Variants in CTNNA2 observed in about 807,000 individuals in gnomAD.
CTNNA2 encodes catenin alpha 2.
CTNNA2 carries 42 observed loss-of-function variants against 101.0 expected under a neutral mutation model. That is an observed-to-expected ratio of 0.42 (90% CI 0.32 to 0.54). The LOEUF is 0.54. Ranked by LOEUF, CTNNA2 falls within the 20% of genes least tolerant of loss-of-function variation. The probability of loss-of-function intolerance (pLI) is 0.14; values close to 1 mark genes in which losing one functional copy is unlikely to be tolerated. For synonymous variants in CTNNA2, 450 were observed against 456.4 expected (o/e 0.99, Z 0.18); for missense variants, 871 against 1,223.1 (o/e 0.71, Z 4.29).
At position 80,089,433 on chromosome 2, in the gene CTNNA2, C is replaced by T. The variant is rs75072024; in HGVS notation, c.1056+179636C>T. On this transcript the variant is annotated intron_variant, in intron 7 of 18. Coordinates refer to ENST00000402739, the MANE Select transcript of CTNNA2 (RefSeq NM_001282597.3). ...TTTAGTGCCCTCCCCTTACAACCTG[C>T]GCTCCCTTTTGCATTTTGGGGGTTC... is the stretch of plus-strand genomic sequence containing the variant. Among the ~76,000 whole-genome samples, 1,000 of 152,000 alleles carry T rather than the reference C, an allele frequency of 6.6e-3. 7 individuals are homozygous for T. Among genetic ancestry groups the T allele is most frequent in the Non-Finnish European group, 9.2e-3 (624 of 67,934 alleles).
intron 9 of CTNNA2, among the ~76,000 whole-genome samples, chr2:80,541,175 T>C (rs527376847): frequency 6.6e-6 from 1 of 152,226 alleles, no homozygotes; most frequent in Non-Finnish European, 1.5e-5. Context: ...ATAGAGCCCA[T>C]GACCAACTTA....
chr2:79,556,616 A>T (rs186624591), intron 1 of CTNNA2, among the ~76,000 whole-genome samples: 36 of 152,194 alleles, frequency 2.4e-4, no homozygotes, highest in African/African-American at 7.9e-4. Flanking sequence ...TCTGAAATGC[A>T]GCCCATACCA....
At chr2:80,306,839 T>C (rs1398797870) in intron 7 of CTNNA2, among the ~76,000 whole-genome samples, 1 of 151,222 alleles carries the variant, frequency 6.6e-6, no homozygotes, top group East Asian at 1.9e-4. Context: ...GGCAAAGTGG[T>C]GACAGAGGCT....
rs1053532009 is a variant in CTNNA2, at chr2:79,368,930, C to T, written c.-317-4901C>T. Among the ~76,000 whole-genome samples the T allele has an allele frequency of 2.6e-5, 4 of 152,268 alleles. No individual in the cohort carries two copies. The East Asian group carries it at 7.7e-4, about 29-fold the overall frequency. On this transcript the variant is annotated intron_variant, in intron 3 of 21. Transcript: ENST00000466387. ...GTTGTCGTTGTTATTGTTGTTTTCC[C>T]TAAAAGGCCTGGATGATGCTGCCGC...
intron 7 of CTNNA2, among the ~76,000 whole-genome samples, chr2:80,324,838 T>C (rs1679087376): frequency 6.6e-6 from 1 of 152,136 alleles, no homozygotes; most frequent in Non-Finnish European, 1.5e-5. Flanking sequence ...CTTCCTCCCA[T>C]CTTTGCATAG....
At chr2:80,282,205 A>G (rs1467210310) in intron 7 of CTNNA2, among the ~76,000 whole-genome samples, 1 of 152,102 alleles carries the variant, frequency 6.6e-6, no homozygotes, top group African/African-American at 2.4e-5. Context: ...TATGAACCAC[A>G]TCTACATGAG....
chr2:80,283,554 C>A (rs553372553), intron 7 of CTNNA2, among the ~76,000 whole-genome samples: 1 of 152,174 alleles, frequency 6.6e-6, no homozygotes, highest in East Asian at 1.9e-4. Flanking sequence ...GAGATAGAAC[C>A]TGAATGTGTT....
intron 11 of CTNNA2, among the ~76,000 whole-genome samples, chr2:80,551,909 T>G (rs1413852662): frequency 6.6e-6 from 1 of 152,208 alleles, no homozygotes; most frequent in African/African-American, 2.4e-5. Flanking sequence ...GCTTAATCAT[T>G]TCTAGCTTTT....
intron 15 of CTNNA2, among the ~76,000 whole-genome samples, chr2:80,591,480 C>CTTTTTTTTTTTTTTTTTTTTAA: frequency 3.0e-5 from 1 of 33,542 alleles, no homozygotes; most frequent in Admixed American, 3.5e-4. Context: ...TTTTTTTTTG[C>CTTTTTTTTTTTTTTTTTTTTAA]AAACAGACAG....
chr2:80,627,968 AAGAG>A lies in CTNNA2; in HGVS notation c.2574+8742_2574+8745del, dbSNP rs542949860. Among the ~76,000 whole-genome samples the A allele has an allele frequency of 5.4e-3, 824 of 152,268 alleles. 6 individuals are homozygous for A. The highest frequency in any genetic ancestry group is 0.018 in the African/African-American group (758 of 41,552). The stretch of plus-strand genomic sequence containing the variant: ...ATTGCAAGCATTCCTATTTACCAAT[AAGAG>A]ACAAACAGAGAGCCAAGTCATGAGT... On this transcript the variant is annotated intron_variant, in intron 18 of 18. Coordinates refer to ENST00000402739, the MANE Select transcript of CTNNA2 (RefSeq NM_001282597.3).
intron 9 of CTNNA2, among the ~76,000 whole-genome samples, chr2:80,525,643 AG>A (rs751939530): frequency 6.6e-6 from 1 of 152,090 alleles, no homozygotes; most frequent in Non-Finnish European, 1.5e-5. Context: ...CTCCTATCGT[AG>A]CCTGTCCCTT....
intron 4 of CTNNA2, among the ~76,000 whole-genome samples, chr2:79,451,863 G>T (rs1454849017): frequency 6.6e-6 from 1 of 151,244 alleles, no homozygotes; most frequent in Non-Finnish European, 1.5e-5. Flanking sequence ...TTTGAATTTT[G>T]TATATATGTA....
chr2:79,622,172 C>T (rs566386983), intron 1 of CTNNA2, among the ~76,000 whole-genome samples: 1 of 152,340 alleles, frequency 6.6e-6, no homozygotes, highest in South Asian at 2.1e-4. Context: ...TTCCGATCTT[C>T]ACCAAAGTTC....
At chr2:79,910,559 C>G (rs1383894716) in intron 7 of CTNNA2, among the ~76,000 whole-genome samples, 1 of 152,298 alleles carries the variant, frequency 6.6e-6, no homozygotes, top group South Asian at 2.1e-4. Context: ...AGTGGATGAT[C>G]TGTGCTTCCC....
intron 7 of CTNNA2, among the ~76,000 whole-genome samples, chr2:80,357,078 G>A (rs1408905782): frequency 6.6e-6 from 1 of 152,148 alleles, no homozygotes; most frequent in Non-Finnish European, 1.5e-5. Context: ...ACCCCTTGAG[G>A]AGTGCTTAAA....
intron 1 of CTNNA2, among the ~76,000 whole-genome samples, chr2:79,580,344 G>A (rs575119220): frequency 6.6e-6 from 1 of 152,244 alleles, no homozygotes; most frequent in African/African-American, 2.4e-5. Flanking sequence ...GCTTTGAGTT[G>A]GAAAAGGGCT....
chr2:79,561,922 T>A lies in CTNNA2; in HGVS notation c.-6+48715T>A, dbSNP rs544099532. On this transcript the variant is annotated intron_variant, in intron 1 of 18. Coordinates refer to ENST00000402739, the MANE Select transcript of CTNNA2 (RefSeq NM_001282597.3). ...ATTCTGTGAAATGTCTTTTCAGTTT[T>A]TTGATGGTGTGCTTTGAAGCACAAA... Among the ~76,000 whole-genome samples, 4 of 152,060 alleles carry A rather than the reference T, an allele frequency of 2.6e-5. No individual in the cohort carries two copies. The South Asian group carries it at 8.3e-4, about 31-fold the overall frequency.
intron 7 of CTNNA2, among the ~76,000 whole-genome samples, chr2:80,089,477 C>T (rs2148817801): frequency 6.6e-6 from 1 of 152,058 alleles, no homozygotes; most frequent in East Asian, 1.9e-4. Context: ...GTATGCTAAA[C>T]TTGACCTTGA....
At chr2:80,269,604 G>A (rs1412918977) in intron 7 of CTNNA2, among the ~76,000 whole-genome samples, 2 of 151,882 alleles carry the variant, frequency 1.3e-5, no homozygotes, top group Admixed American at 6.6e-5. Context: ...GCTGTTATAT[G>A]TTTCTATCAA....
Sources: allele counts gnomAD v4.1 joint callset (sites outside exome capture counted in the v4.1 genomes callset), GRCh38; gene constraint gnomAD v4.1.1; transcripts MANE v1.5; gene names NCBI Gene and HGNC (gene_info 2026-07-23, HGNC 2026-07-21).